SUPT3H: variants seen among roughly 807,000 people sequenced by gnomAD.
SUPT3H encodes the protein transcription initiation protein SPT3 homolog.
SUPT3H carries 44 observed loss-of-function variants against 44.3 expected under a neutral mutation model. The ratio of observed to expected loss-of-function variants is 0.99; its 90% CI spans 0.78 to 1.28. The LOEUF (loss-of-function observed/expected upper bound fraction) is 1.28. Among genes scored for constraint, SUPT3H ranks in the 50% most tolerant of loss-of-function variants. The pLI, the probability that SUPT3H is intolerant of heterozygous loss-of-function variation, is 0.00. For synonymous variants in SUPT3H, 124 were observed against 125.6 expected, an observed-to-expected ratio of 0.99 and a Z score of 0.09; for missense variants, 380 against 387.1, an observed-to-expected ratio of 0.98 and a Z score of 0.15.
At chr6:44,961,971 A>G (rs757109509) in intron 6 of SUPT3H, 143 bp from the exon 7 acceptor site, 1 of 529,908 alleles carries the variant, frequency 1.9e-6, no homozygotes, top group Non-Finnish European at 3.3e-6. Context: ...ATCACGATAC[A>G]TAAAATCACA....
At chr6:45,164,370 A>C (rs1243227388) in intron 2 of SUPT3H, among the ~76,000 whole-genome samples, 4 of 152,164 alleles carry the variant, frequency 2.6e-5, no homozygotes, top group Non-Finnish European at 5.9e-5. Context: ...GTGTTTGTTC[A>C]TATTTTCCTT....
chr6:45,000,351 G>A (rs1201072704), intron 6 of SUPT3H, among the ~76,000 whole-genome samples: 3 of 151,856 alleles, frequency 2.0e-5, no homozygotes, highest in Admixed American at 6.6e-5. Flanking sequence ...CCTTATAACT[G>A]AAATAAATCA....
intron 2 of SUPT3H, among the ~76,000 whole-genome samples, chr6:45,296,187 C>T (rs200473311): frequency 0.025 from 3,141 of 125,632 alleles, 54 homozygotes; most frequent in South Asian, 0.1. Context: ...ACACATACTA[C>T]ACACACACAC....
chr6:45,303,044 G>A (rs1782405278), intron 2 of SUPT3H, among the ~76,000 whole-genome samples: 1 of 152,132 alleles, frequency 6.6e-6, no homozygotes, highest in South Asian at 2.1e-4. Flanking sequence ...AACAAATGGT[G>A]TTGGGATAAC....
rs183605595 is a variant in SUPT3H, at chr6:45,202,459, G to A, written c.102-96453C>T. ...CAAAACTACTGCAACAAAAATTTAG[G>A]ATTACTTTTTATATAACAGTATCTT... On this transcript the variant is annotated intron_variant, in intron 2 of 10. Coordinates refer to ENST00000371459, the MANE Select transcript of SUPT3H (RefSeq NM_003599.4). Among the ~76,000 whole-genome samples the A allele has an allele frequency of 9.2e-4, 140 of 151,996 alleles. 1 individual carries two copies. Among genetic ancestry groups the A allele is most frequent in the Admixed American group, 2.6e-3 (40 of 15,252 alleles).
chr6:45,146,798 T>A (rs1806155808), intron 2 of SUPT3H, among the ~76,000 whole-genome samples: 2 of 152,082 alleles, frequency 1.3e-5, no homozygotes, highest in African/African-American at 2.4e-5. Context: ...AAGATTTTCT[T>A]TATTCAATTG....
intron 2 of SUPT3H, among the ~76,000 whole-genome samples, chr6:45,164,117 C>T (rs1344478442): frequency 1.3e-5 from 2 of 152,138 alleles, no homozygotes; most frequent in African/African-American, 4.8e-5. Context: ...AGCTCTCACA[C>T]AGAGATGCCC....
intron 3 of SUPT3H, among the ~76,000 whole-genome samples, chr6:45,045,273 T>C (rs188135488): frequency 1.6e-3 from 247 of 152,264 alleles, no homozygotes; most frequent in African/African-American, 5.7e-3. Context: ...ACTACCGTTA[T>C]AAGAAATGAA....
chr6:45,283,353 G>C (rs1255476401), intron 2 of SUPT3H, among the ~76,000 whole-genome samples: 1 of 152,068 alleles, frequency 6.6e-6, no homozygotes, highest in Non-Finnish European at 1.5e-5. Flanking sequence ...CTCACGTGCA[G>C]AGACATACAT....
chr6:45,040,743 A>T (rs1003897951), intron 3 of SUPT3H, among the ~76,000 whole-genome samples: 1 of 152,178 alleles, frequency 6.6e-6, no homozygotes, highest in Non-Finnish European at 1.5e-5. Flanking sequence ...CAACTTTAAC[A>T]TGTGTAATTA....
intron 2 of SUPT3H, among the ~76,000 whole-genome samples, chr6:45,139,818 T>C (rs990282412): frequency 2.0e-5 from 3 of 152,112 alleles, no homozygotes; most frequent in African/African-American, 7.2e-5. Context: ...ACAGCGTACT[T>C]AGGGAGGCGG....
chr6:45,013,416 C>A (rs566867223), intron 5 of SUPT3H, among the ~76,000 whole-genome samples: 3 of 152,180 alleles, frequency 2.0e-5, no homozygotes, highest in Non-Finnish European at 2.9e-5. Context: ...GAGCTTTCTG[C>A]TCCTAAGGTC....
At chr6:44,819,977 C>G (rs1167411463) in intron 11 of SUPT3H, among the ~76,000 whole-genome samples, 1 of 152,146 alleles carries the variant, frequency 6.6e-6, no homozygotes, top group African/African-American at 2.4e-5. Flanking sequence ...AATCCCAACA[C>G]TTTGGGAAGA....
intron 10 of SUPT3H, among the ~76,000 whole-genome samples, chr6:44,885,781 G>A (rs1762163411): frequency 6.6e-6 from 1 of 152,212 alleles, no homozygotes; most frequent in African/African-American, 2.4e-5. Flanking sequence ...ACTTTGACGA[G>A]TTGAGAGAAG....
At chr6:44,891,774 C>G (rs867334359) in intron 10 of SUPT3H, among the ~76,000 whole-genome samples, 22 of 143,100 alleles carry the variant, frequency 1.5e-4, no homozygotes, top group Middle Eastern at 3.7e-3. Flanking sequence ...GTATATTTTA[C>G]AATAAAAAAT....
At chr6:44,937,481 G>A (rs1771642432) in intron 9 of SUPT3H, among the ~76,000 whole-genome samples, 1 of 150,000 alleles carries the variant, frequency 6.7e-6, no homozygotes, top group Admixed American at 6.6e-5. Context: ...GTACCAGAGT[G>A]AGACACTGTC....
intron 2 of SUPT3H, among the ~76,000 whole-genome samples, chr6:45,174,311 T>C (rs925779300): frequency 2.0e-5 from 3 of 152,224 alleles, no homozygotes; most frequent in African/African-American, 7.2e-5. Context: ...CACATTCTAG[T>C]GATAAAGCAG....
intron 2 of SUPT3H, among the ~76,000 whole-genome samples, chr6:45,295,943 G>C (rs1781119848): frequency 6.6e-6 from 1 of 151,914 alleles, no homozygotes; most frequent in Non-Finnish European, 1.5e-5. Context: ...ACTAAAAGTA[G>C]AACTACCATT....
intron 2 of SUPT3H, among the ~76,000 whole-genome samples, chr6:45,218,291 C>T (rs1765422376): frequency 6.6e-6 from 1 of 152,112 alleles, no homozygotes; most frequent in Non-Finnish European, 1.5e-5. Flanking sequence ...GAGCAATCTA[C>T]TAGGAAGACA....
Sources: allele counts gnomAD v4.1 joint callset (sites outside exome capture counted in the v4.1 genomes callset), GRCh38; gene constraint gnomAD v4.1.1; transcripts MANE v1.5; gene names NCBI Gene and HGNC (gene_info 2026-07-23, HGNC 2026-07-21).